GABRG3: variants seen among roughly 807,000 people sequenced by gnomAD.
GABRG3 encodes the protein gamma-aminobutyric acid receptor subunit gamma-3.
In GABRG3, 25 loss-of-function variants were observed where a neutral mutation model predicts 48.8. That is an observed-to-expected ratio of 0.51 (90% confidence interval 0.37 to 0.72). The LOEUF (loss-of-function observed/expected upper bound fraction) is 0.72, where lower values mean the gene tolerates loss of function less well. Ranked by LOEUF, GABRG3 falls within the 30% of genes least tolerant of loss-of-function variation. GABRG3 has a pLI of 0.00. For synonymous variants in GABRG3, 227 were observed against 217.6 expected (o/e 1.04, Z -0.38); for missense variants, 394 against 577.9 (o/e 0.68, Z 3.26).
At chr15:27,026,498 C>T (rs1168402823) in intron 2 of GABRG3, among the ~76,000 whole-genome samples, 1 of 152,120 alleles carries the variant, frequency 6.6e-6, no homozygotes, top group Non-Finnish European at 1.5e-5. Flanking sequence ...TGGCAAATTG[C>T]AGTGTATAAA....
At position 27,326,734 on chromosome 15, in the gene GABRG3, G is replaced by A. The variant is rs150550248; in HGVS notation, c.271-75G>A. On this transcript the variant is annotated intron_variant, in intron 3 of 9. Transcript: ENST00000615808. ...GATGTCAACATGGAGAGAACACAAC[G>A]TTTGACAAAGAGAACAAATTATACA... The A allele has an allele frequency of 1.7e-4, 207 of 1,233,624 alleles. No homozygotes were observed. In the South Asian group the frequency reaches 2.2e-3, roughly 13 times the overall value. The allele number at this position is 1,233,624 out of a possible 1,614,324, so 76.4% of individuals were successfully genotyped here.
intron 6 of GABRG3, among the ~76,000 whole-genome samples, chr15:27,484,369 G>T (rs1388846368): frequency 6.6e-6 from 1 of 152,112 alleles, no homozygotes; most frequent in African/African-American, 2.4e-5. Context: ...ATAACCTGCA[G>T]CGAATTCAAG....
At chr15:27,515,598 G>A (rs1406218498) in intron 6 of GABRG3, among the ~76,000 whole-genome samples, 1 of 152,154 alleles carries the variant, frequency 6.6e-6, no homozygotes, top group African/African-American at 2.4e-5. Flanking sequence ...AAGTTGGTGG[G>A]GTTGGGAGGA....
intron 5 of GABRG3, among the ~76,000 whole-genome samples, chr15:27,449,221 C>T (rs1889036031): frequency 1.3e-5 from 2 of 152,192 alleles, no homozygotes; most frequent in South Asian, 2.1e-4. Flanking sequence ...TGTGCATACT[C>T]GCACTGGAAT....
At chr15:27,038,063 C>G (rs74603363) in intron 3 of GABRG3, among the ~76,000 whole-genome samples, 2,328 of 152,260 alleles carry the variant, frequency 0.015, 54 homozygotes, top group African/African-American at 0.053. Flanking sequence ...AGAGCTGTCC[C>G]GATCGGGTCC....
chr15:27,261,529 CAT>C (rs926503405), intron 3 of GABRG3, among the ~76,000 whole-genome samples: 23 of 148,724 alleles, frequency 1.5e-4, no homozygotes, highest in Non-Finnish European at 2.1e-4. Flanking sequence ...CATATATATA[CAT>C]ATATATATGT....
intron 3 of GABRG3, among the ~76,000 whole-genome samples, chr15:27,057,177 G>GT (rs1255975190): frequency 3.3e-5 from 5 of 152,080 alleles, no homozygotes; most frequent in African/African-American, 1.2e-4. Flanking sequence ...TTAGCTGGTG[G>GT]TTTTTTCCAA....
Position 27,457,768 on chromosome 15 carries a change from TC to T in GABRG3, c.575-22881del, listed in dbSNP as rs1889327500. On this transcript the variant is annotated intron_variant, in intron 5 of 9. Transcript: ENST00000615808. The surrounding 1 kb of genome is among the most constrained non-coding windows in gnomAD (Gnocchi z 4.4). ...GGTATAACGAGTACCCACTGCTTTT[TC>T]TGCCTGTGTTTCACAAGGGGCTCTA... is the stretch of plus-strand genomic sequence containing the variant. 6.6e-6 allele frequency among the ~76,000 whole-genome samples: 1 copy of T among 152,194 alleles called. No homozygotes were observed. The highest frequency in any genetic ancestry group is 1.5e-5 in the Non-Finnish European group (1 of 68,032).
chr15:27,538,027 G>A lies in GABRG3; in HGVS notation c.*5146G>A, dbSNP rs577762448. Reference sequence around the variant, plus strand: ...GCTAATTTTTTATATTTTTAGTAGAGATGGGCTTTCACCATGTTGGCCAGG... The same window carrying A: ...GCTAATTTTTTATATTTTTAGTAGAAATGGGCTTTCACCATGTTGGCCAGG... On this transcript the variant is annotated 3_prime_UTR_variant, in exon 10 of 10. Coordinates refer to ENST00000615808, the MANE Select transcript of GABRG3 (RefSeq NM_033223.5). The A allele has an allele frequency of 1.3e-5, 2 of 152,120 alleles. No homozygotes were observed. Among genetic ancestry groups the A allele is most frequent in the African/African-American group, 4.8e-5 (2 of 41,510 alleles). The allele number at this position is 152,120 out of a possible 1,614,324, so 9.4% of individuals were successfully genotyped here. A position where few individuals can be genotyped will look rare whatever the true frequency, so the allele number is the denominator to read the frequency against.
chr15:27,200,914 G>A (rs1888660729), intron 3 of GABRG3, among the ~76,000 whole-genome samples: 1 of 151,974 alleles, frequency 6.6e-6, no homozygotes, highest in African/African-American at 2.4e-5. Flanking sequence ...TGGCTGCTTT[G>A]AGCTGTCTTC....
chr15:27,473,301 A>G (rs922613438), intron 5 of GABRG3, among the ~76,000 whole-genome samples: 20 of 152,242 alleles, frequency 1.3e-4, no homozygotes, highest in Admixed American at 6.5e-5. Context: ...ATAGGACCCA[A>G]ATTGATTTGC....
rs1894965141 is a variant in GABRG3 at position 26,977,093 on chromosome 15, C to G, written c.145C>G (p.Leu49Val). 1 of 1,613,980 alleles carries G rather than the reference C, an allele frequency of 6.2e-7. No homozygotes were observed. The highest frequency in any genetic ancestry group is 8.5e-7 in the Non-Finnish European group (1 of 1,179,878). Residue 49 changes from leucine (L) to valine (V), a missense_variant, in exon 2 of 10, where the codon CTT becomes GTT. Around this residue, in one of 3 missense-constraint regions of GABRG3, gnomAD observed 218 missense variants for 309.9 expected, o/e 0.70. Coordinates refer to ENST00000615808, the MANE Select transcript of GABRG3 (RefSeq NM_033223.5). ...AAAATCCCAAGACACCGACGTGACTCTTATTCTCAACAAGTTGCTAAGAGA... is the reference window on the plus strand; with the variant it reads ...AAAATCCCAAGACACCGACGTGACTGTTATTCTCAACAAGTTGCTAAGAGA... The part of the protein sequence containing the change: ...APKSQDTDVT[L>V]ILNKLLREYD...
chr15:27,450,458 A>C (rs2140640938), intron 5 of GABRG3, among the ~76,000 whole-genome samples: 1 of 152,336 alleles, frequency 6.6e-6, no homozygotes, highest in African/African-American at 2.4e-5. Flanking sequence ...ACAAAGGACA[A>C]AAACCTTATG....
At chr15:27,398,533 A>G (rs1359216780) in intron 5 of GABRG3, among the ~76,000 whole-genome samples, 1 of 152,158 alleles carries the variant, frequency 6.6e-6, no homozygotes, top group Non-Finnish European at 1.5e-5. Context: ...TTTTTTAAAA[A>G]GTAATTTGAG....
intron 3 of GABRG3, among the ~76,000 whole-genome samples, chr15:27,246,524 T>C (rs1466583173): frequency 2.0e-5 from 3 of 152,218 alleles, no homozygotes; most frequent in Non-Finnish European, 4.4e-5. Flanking sequence ...AGACATAACA[T>C]AAAACATTAT....
At chr15:27,171,505 A>AGC (rs2140410916) in intron 3 of GABRG3, among the ~76,000 whole-genome samples, 1 of 39,544 alleles carries the variant, frequency 2.5e-5, no homozygotes, top group African/African-American at 1.2e-4. Context: ...GTGCATGTCT[A>AGC]ACATATATAT....
intron 3 of GABRG3, among the ~76,000 whole-genome samples, chr15:27,102,801 T>C (rs56921422): frequency 0.017 from 2,650 of 152,310 alleles, 85 homozygotes; most frequent in African/African-American, 0.062. Context: ...GTTAATATCT[T>C]ATTTACCGAC....
At chr15:27,105,643 A>T (rs1462193354) in intron 3 of GABRG3, among the ~76,000 whole-genome samples, 1 of 152,176 alleles carries the variant, frequency 6.6e-6, no homozygotes, top group Non-Finnish European at 1.5e-5. Context: ...ACAACAAAAG[A>T]CAACAAATAT....
chr15:27,006,770 TC>T (rs1173635213), intron 2 of GABRG3, among the ~76,000 whole-genome samples: 1 of 152,200 alleles, frequency 6.6e-6, no homozygotes, highest in African/African-American at 2.4e-5. Context: ...GGTTTTCTGT[TC>T]CTGCATTAGT....
Sources: allele counts gnomAD v4.1 joint callset (sites outside exome capture counted in the v4.1 genomes callset), GRCh38; gene constraint gnomAD v4.1.1; regional missense constraint gnomAD v4.1.1; non-coding constraint Gnocchi (gnomAD v3.1); transcripts MANE v1.5; gene names NCBI Gene and HGNC (gene_info 2026-07-23, HGNC 2026-07-21).